RGPD4: variants seen among roughly 807,000 people sequenced by gnomAD.
RGPD4 encodes the protein ranBP2-like and GRIP domain-containing protein 4.
Under a neutral mutation model 141.1 loss-of-function variants are expected in RGPD4, and 84 were observed. The observed-to-expected ratio is 0.60, with a 90% CI of 0.50 to 0.71. RGPD4 has a LOEUF of 0.71. RGPD4 is among the 30% of genes least tolerant of loss of function. RGPD4 has a pLI of 0.00. For synonymous variants in RGPD4, 298 were observed against 566.8 expected, an observed-to-expected ratio of 0.53 and a Z score of 6.74; for missense variants, 918 against 1,622.4, an observed-to-expected ratio of 0.57 and a Z score of 7.46.
At chr2:107,830,973 C>G (rs549146565) in intron 1 of RGPD4, among the ~76,000 whole-genome samples, 2 of 152,098 alleles carry the variant, frequency 1.3e-5, no homozygotes, top group East Asian at 3.9e-4. Context: ...TTTGGGAGGC[C>G]GAGAGACCAG....
At chr2:107,878,706 C>T (rs533370283) in intron 20 of RGPD4, among the ~76,000 whole-genome samples, 259 of 93,758 alleles carry the variant, frequency 2.8e-3, no homozygotes, top group African/African-American at 8.2e-3. Context: ...TTACCTTACA[C>T]GATCACTAGG....
At position 107,871,852 on chromosome 2, in the gene RGPD4, T is replaced by C; in HGVS notation, c.3848T>C (p.Phe1283Ser). ...LASSPVRKNLFHFGESTTGSN... is the reference protein window; with the variant it reads ...LASSPVRKNLSHFGESTTGSN... ...AGTAGCCCTGTGAGAAAAAATCTTT[T>C]CCATTTTGGTGAGTCAACAACAGGA... is the stretch of plus-strand genomic sequence containing the variant. Residue 1283 changes from phenylalanine (F) to serine (S), a missense_variant, in exon 20 of 23, where the codon TTC (phenylalanine) becomes TCC (serine). Transcript: ENST00000408999. The C allele has an allele frequency of 1.9e-6, 3 of 1,611,642 alleles. No homozygotes were observed. The highest frequency in any genetic ancestry group is 2.5e-6 in the Non-Finnish European group (3 of 1,179,868).
chr2:107,885,681 C>T (rs1237664356), intron 22 of RGPD4, among the ~76,000 whole-genome samples: 1 of 152,112 alleles, frequency 6.6e-6, no homozygotes, highest in African/African-American at 2.4e-5. Context: ...AATGTGAGTA[C>T]ATAAAAGAGA....
intron 1 of RGPD4, among the ~76,000 whole-genome samples, chr2:107,829,717 C>T (rs942603665): frequency 1.3e-5 from 2 of 152,080 alleles, no homozygotes; most frequent in African/African-American, 4.8e-5. Flanking sequence ...CCTTTGGCGC[C>T]GGCGCTTCCT....
chr2:107,872,734 C>T lies in RGPD4; in HGVS notation c.4730C>T (p.Ser1577Phe), dbSNP rs1291809159. Reference protein sequence around the residue: ...GSLFGFSFNASLKSNNSETSS... With the variant: ...GSLFGFSFNAFLKSNNSETSS... The stretch of plus-strand genomic sequence containing the variant: ...TTGTTTGGATTTAGTTTTAATGCAT[C>T]TTTGAAAAGTAACAACAGTGAAACT... Residue 1577 changes from serine (S) to phenylalanine (F), a missense_variant, in exon 20 of 23, where the codon TCT becomes TTT. By Grantham distance (155) the Ser-to-Phe change is radical. Coordinates refer to ENST00000408999, the MANE Select transcript of RGPD4 (RefSeq NM_182588.3). 18 of 1,611,618 alleles carry T rather than the reference C, an allele frequency of 1.1e-5. No homozygotes were observed. Among genetic ancestry groups the T allele is most frequent in the Non-Finnish European group, 1.5e-5 (18 of 1,179,860 alleles).
Position 107,890,576 on chromosome 2 carries a change from A to AC in RGPD4, c.5267-133dup, listed in dbSNP as rs4012302. 9.1e-3 allele frequency: 819 copies of AC among 89,842 alleles called. 14 individuals carry two copies. Among genetic ancestry groups the AC allele is most frequent in the African/African-American group, 0.038 (622 of 16,374 alleles). 5.6% of individuals were successfully genotyped at this position (89,842 alleles called of 1,614,324 possible). On this transcript the variant is annotated intron_variant, in intron 22 of 22. Transcript: ENST00000408999. ...AAAAAAAAAAAAAAAAAAAAAAAGAACCCCCCCCCCCCAACAAAAAAGGCA... is the reference window on the plus strand; with the variant it reads ...AAAAAAAAAAAAAAAAAAAAAAAGAACCCCCCCCCCCCCAACAAAAAAGGCA...
At chr2:107,857,734 G>A (rs918960845) in intron 9 of RGPD4, among the ~76,000 whole-genome samples, 5 of 151,718 alleles carry the variant, frequency 3.3e-5, no homozygotes, top group South Asian at 2.1e-4. Flanking sequence ...GCTCATATCT[G>A]TAATCCCAGC....
chr2:107,877,706 A>G (rs1454659122), intron 20 of RGPD4, among the ~76,000 whole-genome samples: 5 of 151,658 alleles, frequency 3.3e-5, no homozygotes, highest in African/African-American at 1.2e-4. Context: ...AAGTAGTACT[A>G]TATTATGAGC....
chr2:107,885,820 A>T (rs1335979321), intron 22 of RGPD4, among the ~76,000 whole-genome samples: 1 of 152,052 alleles, frequency 6.6e-6, no homozygotes, highest in Non-Finnish European at 1.5e-5. Flanking sequence ...TGGGAGGCTG[A>T]GGAGGGTAGA....
chr2:107,841,016 G>A lies in RGPD4; in HGVS notation c.406-1993G>A, dbSNP rs572869029. ...TGTCCAGATTTTTGAAGCTGAAAAA[G>A]CATTGAAGATGCTTCCAAAGATAAA... On this transcript the variant is annotated intron_variant, in intron 4 of 22. Transcript: ENST00000408999. Among the ~76,000 whole-genome samples, 177 of 72,518 alleles carry A rather than the reference G, an allele frequency of 2.4e-3. 3 individuals carry two copies. The highest frequency in any genetic ancestry group is 0.01 in the African/African-American group (168 of 16,284). 47.6% of individuals were successfully genotyped at this position (72,518 alleles called of 152,430 possible).
In RGPD4 at chr2:107,845,054, T is replaced by G. The variant is rs181418454; in HGVS notation, c.782+1324T>G. ...TTCAGGATGGTCTCAATCTCTCTTT[T>G]TTTTTTTGAGACTGAGTCTTGCTCT... On this transcript the variant is annotated intron_variant, in intron 6 of 22. Coordinates refer to ENST00000408999, the MANE Select transcript of RGPD4 (RefSeq NM_182588.3). 5.2e-4 allele frequency among the ~76,000 whole-genome samples: 76 copies of G among 146,518 alleles called. 1 individual carries two copies. The highest frequency in any genetic ancestry group is 1.7e-3 in the African/African-American group (66 of 39,172).
chr2:107,877,149 G>A (rs1683113439), intron 20 of RGPD4, among the ~76,000 whole-genome samples: 1 of 151,602 alleles, frequency 6.6e-6, no homozygotes, highest in Non-Finnish European at 1.5e-5. Context: ...CAAGGCGGGT[G>A]GATCACATGA....
At chr2:107,831,717 C>T (rs1164513867) in intron 1 of RGPD4, among the ~76,000 whole-genome samples, 1 of 146,934 alleles carries the variant, frequency 6.8e-6, no homozygotes, top group Non-Finnish European at 1.5e-5. Flanking sequence ...ACTACAGGCA[C>T]CCGCCACAAC....
chr2:107,840,291 A>G (rs1394985141), intron 4 of RGPD4, among the ~76,000 whole-genome samples: 1 of 150,744 alleles, frequency 6.6e-6, no homozygotes, highest in Admixed American at 6.6e-5. Flanking sequence ...AAATGTCATC[A>G]TGAAATGTGT....
chr2:107,847,253 C>G (rs915136260), intron 6 of RGPD4, among the ~76,000 whole-genome samples: 1 of 142,170 alleles, frequency 7.0e-6, no homozygotes, highest in African/African-American at 2.7e-5. Context: ...AAAACAAAAA[C>G]AAAAAAACTC....
In RGPD4 at chr2:107,871,928, G is replaced by C. The variant is rs1279937897; in HGVS notation, c.3924G>C (p.Lys1308Asn). The C allele has an allele frequency of 5.0e-6, 8 of 1,611,548 alleles. 1 individual carries two copies. In the South Asian group the frequency reaches 6.6e-5, roughly 13 times the overall value. The change falls in exon 20 of 23, where the codon AAG (lysine) becomes AAC (asparagine). Residue 1308 changes from lysine (K) to asparagine (N), a missense_variant. Physicochemically the swap from Lys to Asn is moderately conservative, Grantham distance 94 (BLOSUM62 0). Transcript: ENST00000408999. ...SALSPSKSPA[K>N]LNQSGTSVGT... ...TGAGTCCATCTAAGTCTCCTGCCAA[G>C]TTGAATCAGAGTGGGACTTCAGTTG...
chr2:107,874,613 A>G (rs1354393751), intron 20 of RGPD4, among the ~76,000 whole-genome samples: 1 of 151,106 alleles, frequency 6.6e-6, no homozygotes, highest in Non-Finnish European at 1.5e-5. Flanking sequence ...AAGTGAATGT[A>G]TACTTGCGTA....
At chr2:107,833,658 A>G (rs1681572078) in intron 1 of RGPD4, among the ~76,000 whole-genome samples, 1 of 150,650 alleles carries the variant, frequency 6.6e-6, no homozygotes, top group Non-Finnish European at 1.5e-5. Flanking sequence ...GTCTACTTTA[A>G]TAACATAGTT....
chr2:107,875,596 G>A (rs1189645528), intron 20 of RGPD4, among the ~76,000 whole-genome samples: 2 of 146,330 alleles, frequency 1.4e-5, no homozygotes, highest in Admixed American at 7.0e-5. Context: ...GTTGCATATA[G>A]AAGTTTTTTC....
Sources: gnomAD v4.1 joint callset for allele counts (sites outside exome capture counted in the v4.1 genomes callset) on GRCh38, gnomAD v4.1.1 for gene constraint, MANE v1.5 for transcripts, NCBI Gene and HGNC (gene_info 2026-07-23, HGNC 2026-07-21) for gene names.